CDH7: variants seen among roughly 807,000 people sequenced by gnomAD.
CDH7 encodes the protein cadherin 7.
A neutral mutation model predicts 71.8 loss-of-function variants in CDH7; 25 were observed. That is an observed-to-expected ratio of 0.35 (90% CI 0.25 to 0.49). CDH7 has a LOEUF of 0.49. Ranked by LOEUF, CDH7 falls within the 20% of genes least tolerant of loss-of-function variation. The probability of loss-of-function intolerance (pLI) is 0.99; values close to 1 mark genes in which losing one functional copy is unlikely to be tolerated. For missense variants in CDH7, 862 were observed against 974.6 expected (o/e 0.88, Z 1.54); for synonymous variants, 381 against 363.8 (o/e 1.05, Z -0.54).
chr18:65,872,331 T>G (rs1913952342), intron 11 of CDH7, among the ~76,000 whole-genome samples: 1 of 152,134 alleles, frequency 6.6e-6, no homozygotes, highest in Non-Finnish European at 1.5e-5. Flanking sequence ...AGTCAGGATA[T>G]AAGAAAGTGG....
chr18:65,888,468 C>A lies in CDH7; in HGVS notation c.*7574C>A, dbSNP rs761279278. 37 of 152,062 alleles carry A rather than the reference C, an allele frequency of 2.4e-4. No individual in the cohort carries two copies. The highest frequency in any genetic ancestry group is 4.6e-4 in the Non-Finnish European group (31 of 68,010). 9.4% of individuals were successfully genotyped at this position (152,062 alleles called of 1,614,324 possible). On this transcript the variant is annotated 3_prime_UTR_variant, in exon 12 of 12. Coordinates refer to ENST00000397968, the MANE Select transcript of CDH7 (RefSeq NM_004361.5). ...TCATCATTCTCAGCTGTGATGGTGG[C>A]GCCATCCTGGTTTCCAGCTTATACC...
intron 7 of CDH7, 57 bp downstream of exon 7, chr18:65,844,122 C>T: frequency 6.8e-7 from 1 of 1,476,642 alleles, no homozygotes; most frequent in Non-Finnish European, 9.3e-7. Context: ...TTCTTGTTCA[C>T]AACTCTTATT....
At chr18:65,785,471 T>G (rs114209209) in intron 2 of CDH7, among the ~76,000 whole-genome samples, 3,326 of 152,222 alleles carry the variant, frequency 0.022, 141 homozygotes, top group African/African-American at 0.075. Flanking sequence ...AGAATCACAT[T>G]CTTTAGCGTA....
chr18:65,836,690 T>TAAC (rs908134673), intron 6 of CDH7, among the ~76,000 whole-genome samples: 1 of 151,376 alleles, frequency 6.6e-6, no homozygotes, highest in Admixed American at 6.6e-5. Flanking sequence ...ATTAAAATAA[T>TAAC]AATAATAATA....
intron 6 of CDH7, among the ~76,000 whole-genome samples, chr18:65,839,079 A>G (rs1912635073): frequency 6.6e-6 from 1 of 152,198 alleles, no homozygotes; most frequent in Non-Finnish European, 1.5e-5. Context: ...ACGTGATAAC[A>G]TCATACAGTT....
chr18:65,854,948 T>C lies in CDH7; in HGVS notation c.1236-2868T>C, dbSNP rs865957426. ...ATATATATATACACACACATATATATACACACACACACACACATAGATACA... is the reference window on the plus strand; with the variant it reads ...ATATATATATACACACACATATATACACACACACACACACACATAGATACA... On this transcript the variant is annotated intron_variant, in intron 7 of 11. Coordinates refer to ENST00000397968, the MANE Select transcript of CDH7 (RefSeq NM_004361.5). 3.3e-3 allele frequency among the ~76,000 whole-genome samples: 501 copies of C among 150,354 alleles called. 2 individuals are homozygous for C. The highest frequency in any genetic ancestry group is 0.012 in the African/African-American group (470 of 40,858).
rs768743287 is a variant in CDH7, at chr18:65,810,002, A to G, written c.505+4A>G. ...GTTCCCGAAATGTCTCCCGTGGGTAAGTAAAGAACACTCTGCTTTTGTAGC... is the reference window on the plus strand; with the variant it reads ...GTTCCCGAAATGTCTCCCGTGGGTAGGTAAAGAACACTCTGCTTTTGTAGC... On this transcript the variant is annotated splice_donor_region_variant and intron_variant, in intron 3 of 11. Coordinates refer to ENST00000397968, the MANE Select transcript of CDH7 (RefSeq NM_004361.5). 6.2e-7 allele frequency: 1 copy of G among 1,602,504 alleles called. No homozygotes were observed. The highest frequency in any genetic ancestry group is 8.5e-7 in the Non-Finnish European group (1 of 1,170,262).
intron 2 of CDH7, among the ~76,000 whole-genome samples, chr18:65,782,339 G>A (rs193211812): frequency 6.3e-4 from 96 of 151,578 alleles, no homozygotes; most frequent in Non-Finnish European, 4.6e-4. Context: ...ACAAATTTTT[G>A]TATTTTTAGT....
intron 3 of CDH7, among the ~76,000 whole-genome samples, chr18:65,812,116 G>A (rs879750835): frequency 3.3e-5 from 5 of 151,144 alleles, no homozygotes; most frequent in South Asian, 2.1e-4. Context: ...CTACAGGTGC[G>A]CACCACCACT....
At chr18:65,789,611 G>A (rs1322975307) in intron 2 of CDH7, among the ~76,000 whole-genome samples, 2 of 152,064 alleles carry the variant, frequency 1.3e-5, no homozygotes, top group East Asian at 1.9e-4. Flanking sequence ...AAACCAAGTC[G>A]GTGAGAGTTT....
chr18:65,869,300 G>A (rs916728137), intron 11 of CDH7, among the ~76,000 whole-genome samples: 6 of 151,474 alleles, frequency 4.0e-5, no homozygotes, highest in African/African-American at 7.3e-5. Flanking sequence ...TTCAGAGTAA[G>A]CTTTTAAAAA....
chr18:65,807,970 T>A (rs1351554543), intron 2 of CDH7, among the ~76,000 whole-genome samples: 1 of 152,098 alleles, frequency 6.6e-6, no homozygotes, highest in Admixed American at 6.6e-5. Context: ...CTGGATCTCG[T>A]TATAGGGAGT....
At position 65,858,932 on chromosome 18, in the gene CDH7, A is replaced by T. The variant is rs1251977548; in HGVS notation, c.1380A>T (p.Pro460=). 4 of 1,612,088 alleles carry T rather than the reference A, an allele frequency of 2.5e-6. No individual in the cohort carries two copies. Among genetic ancestry groups the T allele is most frequent in the East Asian group, 2.2e-5 (1 of 44,828 alleles). The change falls in exon 9 of 12, where the codon CCA becomes CCT. Residue 460 remains proline, a synonymous_variant. Coordinates refer to ENST00000397968, the MANE Select transcript of CDH7 (RefSeq NM_004361.5). ...CACTGTCTTATTTATTAGAGAATCC[A>T]TCTCAAGTAGGAAGAGGCTATGTGG... ...ITVLAMESQN[P]SQVGRGYVAI...
chr18:65,847,985 T>A (rs199990076), intron 7 of CDH7, among the ~76,000 whole-genome samples: 3 of 138,056 alleles, frequency 2.2e-5, no homozygotes, highest in East Asian at 4.4e-4. Context: ...TTTTTTTTTT[T>A]AAAGAAAAAT....
At chr18:65,798,081 A>G (rs572452188) in intron 2 of CDH7, among the ~76,000 whole-genome samples, 1 of 152,314 alleles carries the variant, frequency 6.6e-6, no homozygotes, top group African/African-American at 2.4e-5. Flanking sequence ...AGGGCATGCA[A>G]ACTGGGTCGC....
intron 2 of CDH7, among the ~76,000 whole-genome samples, chr18:65,807,495 A>T (rs1178177326): frequency 6.6e-6 from 1 of 152,126 alleles, no homozygotes; most frequent in Non-Finnish European, 1.5e-5. Context: ...GACATGACCC[A>T]TGTATATAAT....
At chr18:65,835,613 G>A (rs932752923) in intron 6 of CDH7, among the ~76,000 whole-genome samples, 1 of 152,212 alleles carries the variant, frequency 6.6e-6, no homozygotes, top group African/African-American at 2.4e-5. Context: ...CCCTCTAGAA[G>A]TTATTGGGTA....
chr18:65,844,786 CATT>C (rs1324641197), intron 7 of CDH7, among the ~76,000 whole-genome samples: 2 of 151,900 alleles, frequency 1.3e-5, no homozygotes, highest in Non-Finnish European at 2.9e-5. Flanking sequence ...TTTGAGGTAA[CATT>C]ATAAATAGAA....
At position 65,889,583 on chromosome 18, in the gene CDH7, A is replaced by G. The variant is rs1650679520; in HGVS notation, c.*8689A>G. 6.6e-6 allele frequency: 1 copy of G among 152,258 alleles called. No homozygotes were observed. Among genetic ancestry groups the G allele is most frequent in the Admixed American group, 6.5e-5 (1 of 15,280 alleles). 9.4% of individuals were successfully genotyped at this position (152,258 alleles called of 1,614,324 possible). On this transcript the variant is annotated 3_prime_UTR_variant, in exon 12 of 12. Coordinates refer to ENST00000397968, the MANE Select transcript of CDH7 (RefSeq NM_004361.5). The stretch of plus-strand genomic sequence containing the variant: ...CAGATAATTCAGGTAATTATCAGAA[A>G]CATGACAAGAAAAAGCTTTGTGTAA...
Sources: allele counts gnomAD v4.1 joint callset (sites outside exome capture counted in the v4.1 genomes callset), GRCh38; gene constraint gnomAD v4.1.1; transcripts MANE v1.5; gene names NCBI Gene and HGNC (gene_info 2026-07-23, HGNC 2026-07-21).